ZNF560: variants seen among roughly 807,000 people sequenced by gnomAD.
ZNF560 encodes zinc finger protein 560.
In ZNF560, 54 loss-of-function variants were observed where a neutral mutation model predicts 81.8. The ratio of observed to expected loss-of-function variants is 0.66; its 90% confidence interval spans 0.53 to 0.83. The LOEUF (loss-of-function observed/expected upper bound fraction) is 0.83, where lower values mean the gene tolerates loss of function less well. ZNF560 is among the 40% of genes least tolerant of loss of function. The pLI, the probability that ZNF560 is intolerant of heterozygous loss-of-function variation, is 0.00. For synonymous variants in ZNF560, 321 were observed against 317.9 expected, an observed-to-expected ratio of 1.01 and a Z score of -0.10; for missense variants, 940 against 932.4, an observed-to-expected ratio of 1.01 and a Z score of -0.11.
chr19:9,503,168 C>T (rs1391590421), upstream of ZNF560, among the ~76,000 whole-genome samples: 1 of 152,114 alleles, frequency 6.6e-6, no homozygotes, highest in African/African-American at 2.4e-5. Flanking sequence ...CTGCAGTGAG[C>T]TGTGATCATG....
chr19:9,478,607 A>G (rs891777262), intron 2 of ZNF560, among the ~76,000 whole-genome samples: 2 of 152,210 alleles, frequency 1.3e-5, no homozygotes, highest in Non-Finnish European at 2.9e-5. Context: ...GGGATATACA[A>G]TATAAAAATA....
intron 2 of ZNF560, among the ~76,000 whole-genome samples, chr19:9,494,475 CT>C (rs1259800428): frequency 6.6e-6 from 1 of 152,190 alleles, no homozygotes; most frequent in Admixed American, 6.5e-5. Flanking sequence ...GGGCTCACCC[CT>C]GTAATCCCAG....
intron 2 of ZNF560, among the ~76,000 whole-genome samples, chr19:9,495,088 C>T (rs541481010): frequency 5.3e-5 from 8 of 151,966 alleles, no homozygotes; most frequent in South Asian, 2.1e-4. Context: ...TGGAGCAAGC[C>T]GAGGTTGCAC....
chr19:9,450,115 A>T, the ZNF560 span, among the ~76,000 whole-genome samples: 2 of 151,970 alleles, frequency 1.3e-5, no homozygotes, highest in African/African-American at 2.4e-5. Context: ...AGATGGCGAA[A>T]CCCTGTCTCT....
downstream of ZNF560, among the ~76,000 whole-genome samples, chr19:9,463,751 G>A (rs983229369): frequency 1.3e-5 from 2 of 152,142 alleles, no homozygotes; most frequent in South Asian, 2.1e-4. Flanking sequence ...GGCACGATCT[G>A]AGCTCACTGC....
At chr19:9,494,138 A>C (rs1045482963) in intron 2 of ZNF560, among the ~76,000 whole-genome samples, 1 of 151,216 alleles carries the variant, frequency 6.6e-6, no homozygotes, top group Admixed American at 6.8e-5. Flanking sequence ...CTCAAAAAAA[A>C]AAAAAAAAAA....
downstream of ZNF560, among the ~76,000 whole-genome samples, chr19:9,463,768 G>A (rs549481078): frequency 2.0e-5 from 3 of 152,312 alleles, no homozygotes; most frequent in South Asian, 6.2e-4. Flanking sequence ...CTGCAGCCAT[G>A]ACCTCCCTGG....
chr19:9,452,512 A>C, the ZNF560 span, among the ~76,000 whole-genome samples: 3 of 152,360 alleles, frequency 2.0e-5, no homozygotes, highest in East Asian at 5.8e-4. Flanking sequence ...AATGCCAATC[A>C]ACAGTGGAAT....
chr19:9,452,694 G>A, the ZNF560 span, among the ~76,000 whole-genome samples: 4 of 152,226 alleles, frequency 2.6e-5, no homozygotes, highest in African/African-American at 7.2e-5. Flanking sequence ...AGAGCTAAGC[G>A]AGTAATCATG....
chr19:9,451,835 G>A, the ZNF560 span, among the ~76,000 whole-genome samples: 2 of 152,286 alleles, frequency 1.3e-5, no homozygotes. Flanking sequence ...AGCACTTTGG[G>A]AGGTCAAGTA....
At chr19:9,479,487 C>T (rs967824228) in intron 2 of ZNF560, among the ~76,000 whole-genome samples, 5 of 151,942 alleles carry the variant, frequency 3.3e-5, no homozygotes, top group African/African-American at 1.2e-4. Context: ...AGTCAAAAAC[C>T]GTAACAGGAC....
At position 9,468,163 on chromosome 19, in the gene ZNF560, T is replaced by G. The variant is rs1056830489; in HGVS notation, c.784A>C (p.Arg262=). The G allele has an allele frequency of 6.2e-7, 1 of 1,614,082 alleles. No individual in the cohort carries two copies. The highest frequency in any genetic ancestry group is 2.2e-5 in the East Asian group (1 of 44,876). The stretch of plus-strand genomic sequence containing the variant: ...TGCTTACTGAACACAGAAACTTTCC[T>G]TATGGTAGAGGTTTTATTGTATAGA... ...LSLYNKTSTI[R]KVSVFSKHGK... The change falls in exon 10 of 10, where the codon AGG becomes CGG. Residue 262 remains arginine (R), a synonymous_variant. Coordinates refer to ENST00000301480, the MANE Select transcript of ZNF560 (RefSeq NM_152476.3).
At chr19:9,449,200 C>A in the ZNF560 span, among the ~76,000 whole-genome samples, 2 of 152,182 alleles carry the variant, frequency 1.3e-5, no homozygotes, top group African/African-American at 4.8e-5. Context: ...AATACATATT[C>A]TTCTCGTCTG....
chr19:9,471,183 C>A, intron 6 of ZNF560, 113 bp downstream of exon 6: 1 of 694,472 alleles, frequency 1.4e-6, no homozygotes, highest in Admixed American at 3.5e-5. Context: ...AGACATTGCT[C>A]CCTCTTGAGT....
At chr19:9,481,082 G>GA (rs60806361) in intron 2 of ZNF560, among the ~76,000 whole-genome samples, 1,929 of 109,942 alleles carry the variant, frequency 0.018, 29 homozygotes, top group Middle Eastern at 0.051. Flanking sequence ...GAGATTATCT[G>GA]AAAAAAAAAA....
At chr19:9,484,227 C>A (rs2073349545) in intron 2 of ZNF560, among the ~76,000 whole-genome samples, 1 of 151,856 alleles carries the variant, frequency 6.6e-6, no homozygotes, top group Non-Finnish European at 1.5e-5. Flanking sequence ...GACCTTCCCT[C>A]CACTATTGTC....
In ZNF560 at chr19:9,467,352, C is replaced by A. The variant is rs141562027; in HGVS notation, c.1595G>T (p.Arg532Leu). The change falls in exon 10 of 10, where the codon CGT (arginine) becomes CTT (leucine). Residue 532 changes from arginine (R) to leucine (L), a missense_variant. Physicochemically the swap from Arg to Leu is moderately radical, Grantham distance 102. Coordinates refer to ENST00000301480, the MANE Select transcript of ZNF560 (RefSeq NM_152476.3). ...GKPFTSSACL[R>L]IHMRTHTEER... ...TTCTGTGTGAGTTCGCATGTGAATA[C>A]GAAGACAGGCAGAAGAGGTAAATGG... The A allele has an allele frequency of 6.2e-7, 1 of 1,613,892 alleles. No individual in the cohort carries two copies. The highest frequency in any genetic ancestry group is 1.3e-5 in the African/African-American group (1 of 74,880).
At chr19:9,488,415 C>T (rs2073419539) in intron 2 of ZNF560, among the ~76,000 whole-genome samples, 1 of 152,070 alleles carries the variant, frequency 6.6e-6, no homozygotes, top group South Asian at 2.1e-4. Flanking sequence ...AGGGACGTAG[C>T]TTACCCTTTG....
chr19:9,458,197 A>C, the ZNF560 span, among the ~76,000 whole-genome samples: 1 of 152,224 alleles, frequency 6.6e-6, no homozygotes, highest in African/African-American at 2.4e-5. Context: ...AGCTTTTATA[A>C]ATAGTCTTAC....
Sources: allele counts gnomAD v4.1 joint callset (sites outside exome capture counted in the v4.1 genomes callset), GRCh38; gene constraint gnomAD v4.1.1; transcripts MANE v1.5; gene names NCBI Gene and HGNC (gene_info 2026-07-23, HGNC 2026-07-21).